The following DPF2 variants were observed in gnomAD, a reference collection of about 807,000 sequenced individuals.
DPF2 encodes zinc finger protein ubi-d4.
DPF2 carries 10 observed loss-of-function variants against 59.6 expected under a neutral mutation model. The ratio of observed to expected loss-of-function variants is 0.17; its 90% confidence interval spans 0.10 to 0.28. The LOEUF (loss-of-function observed/expected upper bound fraction) is 0.28, where lower values mean the gene tolerates loss of function less well. DPF2 is among the 10% of genes least tolerant of loss of function. The pLI, the probability that DPF2 is intolerant of heterozygous loss-of-function variation, is 1.00. For synonymous variants in DPF2, 189 were observed against 190.6 expected (o/e 0.99, Z 0.07); for missense variants, 315 against 509.4 (o/e 0.62, Z 3.67).
In DPF2 at chr11:65,346,359, C is replaced by T. The variant is rs752651232; in HGVS notation, c.1017C>T (p.Asp339=). ...ATATCTGCGGCACCTCCGAGAATGA[C>T]GTGTGTATCCCCGCCCCCTCCTCAG... ...CCNICGTSEN[D]DQLLFCDDCD... The change falls in exon 9 of 11, where the codon GAC becomes GAT. Residue 339 remains aspartate, a splice_region_variant and synonymous_variant. Coordinates refer to ENST00000528416, the MANE Select transcript of DPF2 (RefSeq NM_006268.5). The T allele has an allele frequency of 1.1e-5, 18 of 1,611,206 alleles. No individual in the cohort carries two copies. Among genetic ancestry groups the T allele is most frequent in the Middle Eastern group, 3.3e-4 (2 of 6,082 alleles).
chr11:65,341,363 C>T, intron 3 of DPF2, 36 bp from the exon 4 acceptor site: 1 of 1,612,718 alleles, frequency 6.2e-7, no homozygotes, highest in Non-Finnish European at 8.5e-7. Flanking sequence ...GCTTTCAGCC[C>T]TTTTGAGCCT....
At chr11:65,334,048 G>A in intron 1 of DPF2, 130 bp downstream of exon 1, 2 of 1,338,932 alleles carry the variant, frequency 1.5e-6, no homozygotes, top group Non-Finnish European at 2.1e-6. Context: ...ACTCCTGGTG[G>A]GGAGGGCAAC....
chr11:65,346,163 A>G, intron 8 of DPF2, 84 bp from the exon 9 acceptor site: 2 of 1,596,744 alleles, frequency 1.3e-6, no homozygotes, highest in East Asian at 2.2e-5. Context: ...TTTCCTAACC[A>G]AGAGAAGATG....
At chr11:65,340,611 G>A (rs1419068081) in intron 2 of DPF2, 66 bp downstream of exon 2, 1 of 1,586,692 alleles carries the variant, frequency 6.3e-7, no homozygotes, top group Non-Finnish European at 8.6e-7. Flanking sequence ...CCTCATCTTA[G>A]GTGATGAGAC....
intron 10 of DPF2, among the ~76,000 whole-genome samples, chr11:65,350,355 T>C (rs921303369): frequency 2.0e-5 from 3 of 151,264 alleles, no homozygotes; most frequent in African/African-American, 4.9e-5. Flanking sequence ...TTCTTTTCTC[T>C]TTTTCTTTTT....
At chr11:65,345,310 A>G (rs540191317) in intron 6 of DPF2, 2 of 231,870 alleles carry the variant, frequency 8.6e-6, no homozygotes, top group East Asian at 9.2e-5. Flanking sequence ...CCCCAAAGAT[A>G]TAGGAATATC....
intron 6 of DPF2, chr11:65,344,741 G>GGTA (rs1854478260): frequency 8.8e-7 from 1 of 1,132,272 alleles, no homozygotes; most frequent in Non-Finnish European, 1.3e-6. Context: ...ATGGCATGGG[G>GGTA]GTAGGAGCAG....
In DPF2 at chr11:65,341,565, AC is replaced by A; in HGVS notation, c.465+4del. ...TGACCAACAGTCGAGCGCGAAAGGT[AC>A]AGGATTATCCCTGTGGCTAAGGGAG... is the stretch of plus-strand genomic sequence containing the variant. On this transcript the variant is annotated splice_donor_region_variant and intron_variant, in intron 4 of 10. Transcript: ENST00000528416. 6.2e-7 allele frequency: 1 copy of A among 1,614,164 alleles called. No individual in the cohort carries two copies. The highest frequency in any genetic ancestry group is 8.5e-7 in the Non-Finnish European group (1 of 1,180,028).
At chr11:65,344,841 G>A (rs568672829) in intron 6 of DPF2, 4 of 577,836 alleles carry the variant, frequency 6.9e-6, no homozygotes, top group Admixed American at 3.1e-5. Context: ...AGAGCTGCTC[G>A]GCCCAGTGCA....
intron 3 of DPF2, 23 bp from the exon 4 acceptor site, chr11:65,341,376 C>G (rs1241185150): frequency 6.2e-7 from 1 of 1,613,878 alleles, no homozygotes; most frequent in African/African-American, 1.3e-5. Flanking sequence ...TTGAGCCTTG[C>G]TTTATCCTGA....
intron 1 of DPF2, among the ~76,000 whole-genome samples, chr11:65,335,920 TCTC>T: frequency 6.6e-6 from 1 of 152,114 alleles, no homozygotes; most frequent in Non-Finnish European, 1.5e-5. Flanking sequence ...TTCCAGCAAT[TCTC>T]CTGCTTCAGC....
At chr11:65,343,456 CA>C (rs1293132900) in intron 4 of DPF2, 9 of 420,310 alleles carry the variant, frequency 2.1e-5, no homozygotes, top group Admixed American at 1.5e-4. Flanking sequence ...CTGCTTGTGG[CA>C]TCAGGGCAAC....
At chr11:65,350,115 A>G (rs768667874) in intron 10 of DPF2, among the ~76,000 whole-genome samples, 8 of 152,044 alleles carry the variant, frequency 5.3e-5, no homozygotes, top group Admixed American at 3.3e-4. Flanking sequence ...TAAACCATCA[A>G]ACAGATGATC....
chr11:65,341,493 T>C lies in DPF2; in HGVS notation c.396T>C (p.Gly132=). Reference sequence around the variant, plus strand: ...GCACTGACCCCCTGGAGAAGCGAGGTGCCCCGGATCCCCGAGTTGATGATG... The same window carrying C: ...GCACTGACCCCCTGGAGAAGCGAGGCGCCCCGGATCCCCGAGTTGATGATG... ...LLRTDPLEKR[G]APDPRVDDDS... The change falls in exon 4 of 11, where the codon GGT becomes GGC. Residue 132 remains glycine (G), a synonymous_variant. Coordinates refer to ENST00000528416, the MANE Select transcript of DPF2 (RefSeq NM_006268.5). The C allele has an allele frequency of 1.2e-6, 2 of 1,614,114 alleles. No homozygotes were observed. The highest frequency in any genetic ancestry group is 2.2e-5 in the South Asian group (2 of 91,080).
rs1854613572 is a variant in DPF2 at position 65,348,832 on chromosome 11, C to G, written c.1018-18C>G. 6.2e-7 allele frequency: 1 copy of G among 1,613,838 alleles called. No homozygotes were observed. On this transcript the variant is annotated intron_variant, in intron 9 of 10. Transcript: ENST00000528416. ...TCAGTTATTCAGTCCCCATCCTCTT[C>G]CCTCTTGCCTACTTCAGGACCAGTT...
chr11:65,346,865 G>A (rs1188859490), intron 9 of DPF2: 3 of 154,948 alleles, frequency 1.9e-5, no homozygotes, highest in Non-Finnish European at 4.3e-5. Flanking sequence ...GGACAAGCCA[G>A]ATGACAGGGC....
chr11:65,337,564 C>G (rs1397227640), intron 1 of DPF2, among the ~76,000 whole-genome samples: 2 of 113,982 alleles, frequency 1.8e-5, no homozygotes, highest in Admixed American at 1.1e-4. Context: ...TTAATGTTAA[C>G]TTGACATTTC....
At chr11:65,341,719 A>C in intron 4 of DPF2, 157 bp downstream of exon 4, 4 of 977,002 alleles carry the variant, frequency 4.1e-6, no homozygotes, top group Non-Finnish European at 5.9e-6. Context: ...ATTGTCAGGT[A>C]CTGACTGGCT....
At chr11:65,342,581 A>C (rs1854404488) in intron 4 of DPF2, among the ~76,000 whole-genome samples, 2 of 152,208 alleles carry the variant, frequency 1.3e-5, no homozygotes, top group Admixed American at 1.3e-4. Context: ...ATAAGAATAC[A>C]TGTAAAAATA....
Sources: allele counts gnomAD v4.1 joint callset (sites outside exome capture counted in the v4.1 genomes callset), GRCh38; gene constraint gnomAD v4.1.1; transcripts MANE v1.5; gene names NCBI Gene and HGNC (gene_info 2026-07-23, HGNC 2026-07-21).